The following NPAS3 variants were observed in gnomAD, a reference collection of about 807,000 sequenced individuals.
NPAS3 encodes the protein neuronal PAS domain-containing protein 3.
A neutral mutation model predicts 73.1 loss-of-function variants in NPAS3; 14 were observed. The observed-to-expected ratio is 0.19, with a 90% CI of 0.13 to 0.30. The LOEUF (loss-of-function observed/expected upper bound fraction) is 0.30, where lower values mean the gene tolerates loss of function less well. NPAS3 is among the 10% of genes least tolerant of loss of function. The pLI is 1.00. For synonymous variants in NPAS3, 620 were observed against 541.5 expected, an observed-to-expected ratio of 1.14 and a Z score of -2.01; for missense variants, 1,096 against 1,250.0, an observed-to-expected ratio of 0.88 and a Z score of 1.86.
intron 5 of NPAS3, among the ~76,000 whole-genome samples, chr14:33,665,839 G>C (rs941222838): frequency 2.0e-5 from 3 of 151,966 alleles, no homozygotes; most frequent in Non-Finnish European, 4.4e-5. Flanking sequence ...TGCACCGTGG[G>C]TTTTGTGTTC....
At chr14:33,224,205 C>T (rs905667178) in intron 3 of NPAS3, among the ~76,000 whole-genome samples, 3 of 152,164 alleles carry the variant, frequency 2.0e-5, no homozygotes, top group Non-Finnish European at 4.4e-5. Flanking sequence ...AATTCTTTAA[C>T]GTGTTTTTGT....
At chr14:33,587,560 T>C (rs774479429) in intron 5 of NPAS3, among the ~76,000 whole-genome samples, 2 of 152,144 alleles carry the variant, frequency 1.3e-5, no homozygotes, top group Admixed American at 6.6e-5. Context: ...TATGACACAC[T>C]TAGCATAGTA....
rs112961420 is a variant in NPAS3, at chr14:33,603,537, G to C, written c.558+43327G>C. Among the ~76,000 whole-genome samples the C allele has an allele frequency of 1.3e-3, 204 of 152,224 alleles. 1 individual carries two copies. The highest frequency in any genetic ancestry group is 4.7e-3 in the African/African-American group (197 of 41,544). ...AGAAAACCACACATATTATAATTAA[G>C]TTGCTCACAATCAGTAATAAAGAGA... On this transcript the variant is annotated intron_variant, in intron 5 of 11. Transcript: ENST00000356141.
intron 1 of NPAS3, among the ~76,000 whole-genome samples, chr14:32,953,154 T>C (rs1388265049): frequency 2.7e-5 from 4 of 148,774 alleles, no homozygotes; most frequent in Non-Finnish European, 5.9e-5. Flanking sequence ...AAAAACAGAG[T>C]TGGAAATATC....
intron 2 of NPAS3, among the ~76,000 whole-genome samples, chr14:33,142,479 T>C (rs2044090896): frequency 6.6e-6 from 1 of 152,178 alleles, no homozygotes; most frequent in African/African-American, 2.4e-5. Flanking sequence ...GGCCATTTTT[T>C]TCTGTGCCAT....
At chr14:33,530,406 G>A (rs1006451831) in intron 4 of NPAS3, among the ~76,000 whole-genome samples, 1 of 152,130 alleles carries the variant, frequency 6.6e-6, no homozygotes. Context: ...GAAGCAATTA[G>A]CATAATTAGA....
chr14:33,724,800 A>G (rs544535483), intron 6 of NPAS3, among the ~76,000 whole-genome samples: 4 of 152,304 alleles, frequency 2.6e-5, no homozygotes, highest in Admixed American at 6.5e-5. Context: ...ACACCATTAA[A>G]TATTACTGAT....
chr14:33,691,950 C>G (rs2060247652), intron 6 of NPAS3, among the ~76,000 whole-genome samples: 1 of 152,164 alleles, frequency 6.6e-6, no homozygotes, highest in African/African-American at 2.4e-5. Context: ...GAAACAAATT[C>G]TATTCATAAA....
intron 5 of NPAS3, among the ~76,000 whole-genome samples, chr14:33,626,348 CAG>C (rs780338057): frequency 3.9e-4 from 59 of 152,272 alleles, no homozygotes; most frequent in Non-Finnish European, 7.8e-4. Context: ...TTTCTCTTAA[CAG>C]AGGATACGTA....
chr14:33,555,604 T>G (rs2055319271), intron 4 of NPAS3, among the ~76,000 whole-genome samples: 1 of 152,204 alleles, frequency 6.6e-6, no homozygotes, highest in Non-Finnish European at 1.5e-5. Context: ...CTCCCACCTT[T>G]TTAAGTTGAT....
intron 6 of NPAS3, among the ~76,000 whole-genome samples, chr14:33,686,293 A>T (rs2060087032): frequency 6.6e-6 from 1 of 152,254 alleles, no homozygotes; most frequent in Non-Finnish European, 1.5e-5. Flanking sequence ...GTGCTTGTCC[A>T]GAATGGGCCC....
intron 6 of NPAS3, among the ~76,000 whole-genome samples, chr14:33,695,976 T>G (rs1477538869): frequency 6.6e-6 from 1 of 152,198 alleles, no homozygotes; most frequent in East Asian, 1.9e-4. Flanking sequence ...AGAAATTGAC[T>G]GTATTCCTCT....
intron 1 of NPAS3, among the ~76,000 whole-genome samples, chr14:33,051,815 A>G (rs1475267566): frequency 6.6e-6 from 1 of 152,212 alleles, no homozygotes; most frequent in Non-Finnish European, 1.5e-5. Flanking sequence ...CCTGGAGTGC[A>G]GTGGTGCGAG....
chr14:33,719,458 G>C (rs767181324), intron 6 of NPAS3, among the ~76,000 whole-genome samples: 6 of 152,148 alleles, frequency 3.9e-5, no homozygotes, highest in Admixed American at 1.3e-4. Flanking sequence ...ACATGGATTA[G>C]TTCATATATT....
At chr14:33,161,658 A>G (rs2044890541) in intron 2 of NPAS3, among the ~76,000 whole-genome samples, 1 of 152,222 alleles carries the variant, frequency 6.6e-6, no homozygotes, top group Non-Finnish European at 1.5e-5. Flanking sequence ...CCATGGTTTA[A>G]GAGGATAATG....
intron 2 of NPAS3, among the ~76,000 whole-genome samples, chr14:33,193,640 C>A (rs1052535881): frequency 6.6e-6 from 1 of 152,256 alleles, no homozygotes; most frequent in South Asian, 2.1e-4. Flanking sequence ...ATAGGCTCTG[C>A]TCCTCTAACT....
At chr14:33,618,955 A>G (rs1489486474) in intron 5 of NPAS3, among the ~76,000 whole-genome samples, 2 of 152,230 alleles carry the variant, frequency 1.3e-5, no homozygotes, top group Non-Finnish European at 2.9e-5. Flanking sequence ...TTGTGGGAGT[A>G]GCACAGGGAA....
intron 4 of NPAS3, among the ~76,000 whole-genome samples, chr14:33,431,112 A>AG (rs1307214464): frequency 2.0e-5 from 3 of 152,206 alleles, no homozygotes; most frequent in Non-Finnish European, 2.9e-5. Flanking sequence ...GGGTTCCATT[A>AG]GAGTGGTGCT....
chr14:33,177,070 T>TA (rs199751839), intron 2 of NPAS3, among the ~76,000 whole-genome samples: 12,002 of 112,930 alleles, frequency 0.11, 685 homozygotes, highest in East Asian at 0.25. Flanking sequence ...CTGTTTATCT[T>TA]TTTATTATTA....
Sources: gnomAD v4.1 joint callset for allele counts (sites outside exome capture counted in the v4.1 genomes callset) on GRCh38, gnomAD v4.1.1 for gene constraint, MANE v1.5 for transcripts, NCBI Gene and HGNC (gene_info 2026-07-23, HGNC 2026-07-21) for gene names.